MYLIP: variants seen among roughly 807,000 people sequenced by gnomAD.
The protein encoded by MYLIP is E3 ubiquitin-protein ligase MYLIP.
Under a neutral mutation model 45.8 loss-of-function variants are expected in MYLIP, and 26 were observed. That is an observed-to-expected ratio of 0.57 (90% CI 0.42 to 0.79). MYLIP has a LOEUF of 0.79. Ranked by LOEUF, MYLIP falls within the 30% of genes least tolerant of loss-of-function variation. The probability of loss-of-function intolerance (pLI) is 0.00; values close to 1 mark genes in which losing one functional copy is unlikely to be tolerated. For synonymous variants in MYLIP, 213 were observed against 218.1 expected, an observed-to-expected ratio of 0.98 and a Z score of 0.21; for missense variants, 494 against 555.6, an observed-to-expected ratio of 0.89 and a Z score of 1.11.
At position 16,143,815 on chromosome 6, in the gene MYLIP, C is replaced by T. The variant is rs201781624; in HGVS notation, c.779C>T (p.Ala260Val). 5.0e-6 allele frequency: 8 copies of T among 1,613,168 alleles called. No homozygotes were observed. Among genetic ancestry groups the T allele is most frequent in the African/African-American group, 1.3e-5 (1 of 74,674 alleles). The change falls in exon 5 of 7, where the codon GCG (alanine) becomes GTG (valine). Residue 260 changes from alanine to valine, a missense_variant. Physicochemically the swap from Ala to Val is moderately conservative, Grantham distance 64. Transcript: ENST00000356840. ...VLLFKMISTR[A>V]ASGLYRAITE... Reference sequence around the variant, plus strand: ...TTGTTTAAAATGATCAGCACCAGGGCGGCCAGCGGGCTCTACCGAGCGATA... The same window carrying T: ...TTGTTTAAAATGATCAGCACCAGGGTGGCCAGCGGGCTCTACCGAGCGATA...
At chr6:16,130,771 A>G in intron 2 of MYLIP, 24 bp downstream of exon 2, 1 of 1,601,052 alleles carries the variant, frequency 6.2e-7, no homozygotes, top group East Asian at 2.2e-5. Context: ...AAATAAACCA[A>G]TGTCAAATTG....
chr6:16,157,579 A>C, the MYLIP span, among the ~76,000 whole-genome samples: 1 of 152,264 alleles, frequency 6.6e-6, no homozygotes, highest in Non-Finnish European at 1.5e-5. Flanking sequence ...GAGATCCCAG[A>C]CTGTCTTGCT....
At chr6:16,135,395 A>G (rs1759529595) in intron 2 of MYLIP, among the ~76,000 whole-genome samples, 1 of 152,008 alleles carries the variant, frequency 6.6e-6, no homozygotes, top group Non-Finnish European at 1.5e-5. Context: ...GAAGTTGGAA[A>G]TTTTCCCAGC....
chr6:16,130,668 G>A lies in MYLIP; in HGVS notation c.199G>A (p.Asp67Asn), dbSNP rs1561785183. 1.2e-6 allele frequency: 2 copies of A among 1,614,070 alleles called. No individual in the cohort carries two copies. The highest frequency in any genetic ancestry group is 1.7e-5 in the Admixed American group (1 of 60,012). ...NLRNRISQQM[D>N]GLAPYRLKLR... ...GAGAAACCGGATCTCCCAGCAGATG[G>A]ATGGGCTAGCCCCTTACAGGCTTAA... The change falls in exon 2 of 7, where the codon GAT (aspartate) becomes AAT (asparagine). Residue 67 changes from aspartate to asparagine, a missense_variant. By Grantham distance (23) the Asp-to-Asn change is conservative. Coordinates refer to ENST00000356840, the MANE Select transcript of MYLIP (RefSeq NM_013262.4).
chr6:16,148,617 A>C (rs919916352), downstream of MYLIP, among the ~76,000 whole-genome samples: 1 of 152,160 alleles, frequency 6.6e-6, no homozygotes, highest in African/African-American at 2.4e-5. Context: ...CAAGTACTGG[A>C]AGCTATTGGA....
Position 16,148,049 on chromosome 6 carries a change from T to C in MYLIP, c.*1298T>C, listed in dbSNP as rs939436791. ...CCTTAATGTAGCAGTAATGTGTTTA[T>C]GCATTTGTTTCTTTGCACAGACATT... On this transcript the variant is annotated 3_prime_UTR_variant, in exon 7 of 7. Coordinates refer to ENST00000356840, the MANE Select transcript of MYLIP (RefSeq NM_013262.4). 3.3e-5 allele frequency: 5 copies of C among 152,698 alleles called. No homozygotes were observed. The highest frequency in any genetic ancestry group is 5.9e-5 in the Non-Finnish European group (4 of 68,048). 9.5% of individuals were successfully genotyped at this position (152,698 alleles called of 1,614,324 possible). A position where few individuals can be genotyped will look rare whatever the true frequency, so the allele number is the denominator to read the frequency against.
intron 2 of MYLIP, among the ~76,000 whole-genome samples, chr6:16,132,262 T>C (rs1409247124): frequency 6.6e-6 from 1 of 152,220 alleles, no homozygotes; most frequent in East Asian, 1.9e-4. Flanking sequence ...ATTCAGACTT[T>C]ATAATTGACT....
At chr6:16,158,421 A>G in the MYLIP span, among the ~76,000 whole-genome samples, 9 of 152,354 alleles carry the variant, frequency 5.9e-5, no homozygotes, top group Non-Finnish European at 4.4e-5. Flanking sequence ...CCCATCAGAT[A>G]TATATGAAAA....
intron 4 of MYLIP, 54 bp from the exon 5 acceptor site, chr6:16,143,643 CAT>C (rs1174510441): frequency 4.4e-6 from 7 of 1,581,666 alleles, no homozygotes; most frequent in African/African-American, 4.0e-5. Context: ...AAGGCACACA[CAT>C]GGTGAAGAAT....
At chr6:16,161,347 G>T in the MYLIP span, 1 of 262,130 alleles carries the variant, frequency 3.8e-6, no homozygotes, top group Non-Finnish European at 7.7e-6. Context: ...ATCCTGATCG[G>T]CTGTGCCTTC....
In MYLIP at chr6:16,143,681, T is replaced by A. The variant is rs1759725041; in HGVS notation, c.663-18T>A. ...CACTCCTTCTAGATCTGCTTTCTTT[T>A]CTCTTCCTGTCTCTTAGGATAGCTT... On this transcript the variant is annotated intron_variant, in intron 4 of 6. Transcript: ENST00000356840. 2 of 1,612,274 alleles carry A rather than the reference T, an allele frequency of 1.2e-6. No individual in the cohort carries two copies. Among genetic ancestry groups the A allele is most frequent in the African/African-American group, 2.7e-5 (2 of 74,812 alleles).
the MYLIP span, among the ~76,000 whole-genome samples, chr6:16,155,281 G>A: frequency 6.6e-6 from 1 of 152,108 alleles, no homozygotes; most frequent in Non-Finnish European, 1.5e-5. Context: ...CTGAGAAATG[G>A]ATATTTCACT....
chr6:16,146,745 A>G lies in MYLIP; in HGVS notation c.1332A>G (p.Val444=). 1 of 1,607,152 alleles carries G rather than the reference A, an allele frequency of 6.2e-7. No individual in the cohort carries two copies. The highest frequency in any genetic ancestry group is 8.5e-7 in the Non-Finnish European group (1 of 1,175,530). The change falls in exon 7 of 7, where the codon GTA becomes GTG. Residue 444 remains valine (V), a synonymous_variant. Transcript: ENST00000356840. ...PTHTSLLNLT[V]I is the part of the protein sequence containing the mutation. ...ACACCAGTCTTCTCAATCTGACTGT[A>G]ATCTAATCTGTTGTGCTTTTGTTGG...
At chr6:16,157,743 G>A in the MYLIP span, among the ~76,000 whole-genome samples, 1 of 152,256 alleles carries the variant, frequency 6.6e-6, no homozygotes, top group Non-Finnish European at 1.5e-5. Flanking sequence ...ACACAGCTGT[G>A]GGGCTGCAAG....
intron 1 of MYLIP, 34 bp from the exon 2 acceptor site, chr6:16,130,523 T>C (rs1299055812): frequency 6.2e-7 from 1 of 1,603,880 alleles, no homozygotes; most frequent in Non-Finnish European, 8.5e-7. Context: ...TACGTACCAT[T>C]TGCTCATCCA....
intron 2 of MYLIP, among the ~76,000 whole-genome samples, chr6:16,132,006 G>A (rs560909230): frequency 2.2e-4 from 34 of 152,258 alleles, no homozygotes; most frequent in Middle Eastern, 3.4e-3. Flanking sequence ...ATTTAAAGCC[G>A]ATTTGTGAAA....
intron 2 of MYLIP, among the ~76,000 whole-genome samples, chr6:16,139,017 G>A (rs1411150953): frequency 6.6e-6 from 1 of 152,102 alleles, no homozygotes; most frequent in Non-Finnish European, 1.5e-5. Context: ...CTGTCTCTCC[G>A]GAAGTGTAGG....
chr6:16,148,332 C>T (rs1759836845), downstream of MYLIP: 1 of 151,622 alleles, frequency 6.6e-6, no homozygotes, highest in Non-Finnish European at 1.5e-5. Flanking sequence ...TTAGTATCTA[C>T]TTTCCTCCTA....
downstream of MYLIP, among the ~76,000 whole-genome samples, chr6:16,150,153 GAAC>G (rs1347080225): frequency 2.6e-5 from 4 of 152,278 alleles, no homozygotes; most frequent in Admixed American, 6.5e-5. Flanking sequence ...CATCTAAAGT[GAAC>G]AGCGAGACTA....
Sources: gnomAD v4.1 joint callset for allele counts (sites outside exome capture counted in the v4.1 genomes callset) on GRCh38, gnomAD v4.1.1 for gene constraint, MANE v1.5 for transcripts, NCBI Gene and HGNC (gene_info 2026-07-23, HGNC 2026-07-21) for gene names.